Variants in THADA observed in about 807,000 individuals in gnomAD.
The protein encoded by THADA is tRNA (32-2'-O)-methyltransferase regulator THADA.
THADA carries 213 observed loss-of-function variants against 219.8 expected under a neutral mutation model. That is an observed-to-expected ratio of 0.97 (90% CI 0.87 to 1.09). The LOEUF is 1.09. Ranked by LOEUF, THADA falls within the 50% of genes least tolerant of loss-of-function variation. The probability of loss-of-function intolerance (pLI) is 0.00; values close to 1 mark genes in which losing one functional copy is unlikely to be tolerated. For missense variants in THADA, 2,956 were observed against 2,311.3 expected (o/e 1.28, Z -5.72); for synonymous variants, 1,018 against 828.9 (o/e 1.23, Z -3.92).
intron 31 of THADA, among the ~76,000 whole-genome samples, chr2:43,304,279 G>A (rs181174777): frequency 8.1e-4 from 124 of 152,230 alleles, no homozygotes; most frequent in Non-Finnish European, 1.3e-3. Context: ...TGACTATGGG[G>A]GAGGCAAAGC....
At chr2:43,505,879 T>A (rs1404706271) in intron 23 of THADA, 144 bp from the exon 24 acceptor site, 1 of 633,442 alleles carries the variant, frequency 1.6e-6, no homozygotes, top group Non-Finnish European at 2.8e-6. Context: ...CATGTGGCCG[T>A]GGGCAAGTGG....
chr2:43,373,290 G>A (rs1458931837), intron 29 of THADA, among the ~76,000 whole-genome samples: 1 of 151,896 alleles, frequency 6.6e-6, no homozygotes, highest in Non-Finnish European at 1.5e-5. Flanking sequence ...AAAACAAAAA[G>A]CCCAACATTT....
chr2:43,517,658 C>A (rs968943004), intron 22 of THADA, among the ~76,000 whole-genome samples: 1 of 152,266 alleles, frequency 6.6e-6, no homozygotes, highest in African/African-American at 2.4e-5. Context: ...GTCCCCTCCC[C>A]GCTTCCATGC....
chr2:43,535,917 G>A (rs1284226355), intron 21 of THADA, among the ~76,000 whole-genome samples: 1 of 151,780 alleles, frequency 6.6e-6, no homozygotes, highest in African/African-American at 2.4e-5. Flanking sequence ...CGATTCTCCT[G>A]CCTCAGCCTC....
At chr2:43,405,128 C>T (rs562702562) in intron 28 of THADA, among the ~76,000 whole-genome samples, 9 of 152,266 alleles carry the variant, frequency 5.9e-5, no homozygotes, top group Admixed American at 2.0e-4. Context: ...TTCTCTGGGG[C>T]CTATTCACTT....
intron 36 of THADA, among the ~76,000 whole-genome samples, chr2:43,247,727 CAAAAAAAAAAAAA>C (rs56687341): frequency 5.6e-5 from 3 of 53,398 alleles, no homozygotes; most frequent in East Asian, 1.3e-3. Context: ...GACTCCGTCT[CAAAAAAAAAAAAA>C]AAAAAAAAAA....
intron 36 of THADA, among the ~76,000 whole-genome samples, chr2:43,238,118 C>CAAAAAAAAAAAAAAAA (rs59802310): frequency 1.1e-4 from 3 of 28,268 alleles, no homozygotes; most frequent in Non-Finnish European, 1.2e-4. Flanking sequence ...GATTCCATCT[C>CAAAAAAAAAAAAAAAA]AAAAAAAAAA....
chr2:43,579,855 A>G (rs906326435), intron 8 of THADA, among the ~76,000 whole-genome samples: 3 of 152,198 alleles, frequency 2.0e-5, no homozygotes, highest in Non-Finnish European at 4.4e-5. Flanking sequence ...TGGGTCGTAC[A>G]CTGCCTATAC....
At chr2:43,512,795 C>G (rs563389784) in intron 22 of THADA, among the ~76,000 whole-genome samples, 66 of 152,370 alleles carry the variant, frequency 4.3e-4, no homozygotes, top group African/African-American at 1.6e-3. Context: ...AGCCACCGCA[C>G]CCGGCCACAA....
chr2:43,518,994 T>G (rs576639120), intron 22 of THADA, among the ~76,000 whole-genome samples: 1 of 152,054 alleles, frequency 6.6e-6, no homozygotes, highest in East Asian at 1.9e-4. Context: ...ACTCAGCATG[T>G]TTAAAGCATT....
At chr2:43,398,381 G>C (rs1573457690) in intron 28 of THADA, among the ~76,000 whole-genome samples, 1 of 152,164 alleles carries the variant, frequency 6.6e-6, no homozygotes. Context: ...GACAGGCTTG[G>C]GAATAAGACA....
intron 29 of THADA, among the ~76,000 whole-genome samples, chr2:43,366,673 G>C (rs1670193497): frequency 6.6e-6 from 1 of 152,104 alleles, no homozygotes; most frequent in Admixed American, 6.5e-5. Context: ...TACCATCTAA[G>C]TAAAACAAAA....
intron 25 of THADA, among the ~76,000 whole-genome samples, chr2:43,494,112 G>C (rs908683331): frequency 3.9e-5 from 6 of 152,208 alleles, no homozygotes; most frequent in African/African-American, 1.4e-4. Flanking sequence ...GGCTTCCCTA[G>C]CAGCTGCCCA....
intron 10 of THADA, among the ~76,000 whole-genome samples, chr2:43,575,874 G>A (rs1035281270): frequency 1.3e-5 from 2 of 152,090 alleles, no homozygotes; most frequent in Non-Finnish European, 2.9e-5. Context: ...GCCAAGTGTT[G>A]GAGATGGTTG....
chr2:43,322,518 A>AAATG lies in THADA; in HGVS notation c.4344-1979_4344-1978insCATT, dbSNP rs1203697377. On this transcript the variant is annotated intron_variant, in intron 30 of 37. Coordinates refer to ENST00000405975, the MANE Select transcript of THADA (RefSeq NM_022065.5). ...GACTCTGTCTCAAAAATAAATAAAT[A>AAATG]AATAGGTAACACATGCAAAAATAAT... is the stretch of plus-strand genomic sequence containing the variant. Among the ~76,000 whole-genome samples, 5 of 149,924 alleles carry AAATG rather than the reference A, an allele frequency of 3.3e-5. No individual in the cohort carries two copies. In the East Asian group the frequency reaches 9.8e-4, roughly 29 times the overall value.
chr2:43,444,754 C>T (rs1277887036), intron 26 of THADA, among the ~76,000 whole-genome samples: 2 of 151,934 alleles, frequency 1.3e-5, no homozygotes. Flanking sequence ...TCCACACACA[C>T]CCATTTCTTA....
chr2:43,428,135 A>C lies in THADA; in HGVS notation c.4023T>G (p.Ala1341=), dbSNP rs1442942135. Residue 1341 remains alanine, a synonymous_variant, in exon 28 of 38, where the codon GCT becomes GCG. Transcript: ENST00000405975. ...YASPMDGTSS[A]LSMGPFVPFI... Reference sequence around the variant, plus strand: ...AGGGAACAAAAGGTCCCATGCTGAGAGCAGAAGAAGTACCATCCATCGGGG... The same window carrying C: ...AGGGAACAAAAGGTCCCATGCTGAGCGCAGAAGAAGTACCATCCATCGGGG... 1.2e-6 allele frequency: 2 copies of C among 1,610,912 alleles called. No homozygotes were observed. Among genetic ancestry groups the C allele is most frequent in the South Asian group, 1.1e-5 (1 of 90,762 alleles).
At chr2:43,268,657 C>G (rs1671796316) in intron 36 of THADA, among the ~76,000 whole-genome samples, 1 of 152,226 alleles carries the variant, frequency 6.6e-6, no homozygotes, top group South Asian at 2.1e-4. Context: ...TGGATAACAG[C>G]AGGATGGTGA....
chr2:43,285,145 G>A (rs1673835850), intron 35 of THADA, among the ~76,000 whole-genome samples: 2 of 152,206 alleles, frequency 1.3e-5, no homozygotes, highest in African/African-American at 2.4e-5. Flanking sequence ...ATGCTGAAAT[G>A]AGCTGAACCT....
Sources: gnomAD v4.1 joint callset for allele counts (sites outside exome capture counted in the v4.1 genomes callset) on GRCh38, gnomAD v4.1.1 for gene constraint, MANE v1.5 for transcripts, NCBI Gene and HGNC (gene_info 2026-07-23, HGNC 2026-07-21) for gene names.